THBS3: variants seen among roughly 807,000 people sequenced by gnomAD.
THBS3 encodes thrombospondin-3.
In THBS3, 78 loss-of-function variants were observed where a neutral mutation model predicts 118.3. That is an observed-to-expected ratio of 0.66 (90% CI 0.55 to 0.80). THBS3 has a LOEUF of 0.80. THBS3 is among the 30% of genes least tolerant of loss of function. The pLI is 0.00. For missense variants in THBS3, 1,057 were observed against 1,247.4 expected, an observed-to-expected ratio of 0.85 and a Z score of 2.30; for synonymous variants, 427 against 475.3, an observed-to-expected ratio of 0.90 and a Z score of 1.32.
At chr1:155,200,245 C>G in intron 14 of THBS3, 132 bp from the exon 15 acceptor site, 1 of 1,026,438 alleles carries the variant, frequency 9.7e-7, no homozygotes, top group Non-Finnish European at 1.4e-6. Context: ...TTTCTTGTCT[C>G]ACCCTCTAGT....
At chr1:155,199,770 A>C in intron 16 of THBS3, 34 bp downstream of exon 16, 1 of 1,612,740 alleles carries the variant, frequency 6.2e-7, no homozygotes, top group Non-Finnish European at 8.5e-7. Flanking sequence ...GACAAAAAAA[A>C]GAAAGACCTT....
Position 155,195,905 on chromosome 1 carries a change from G to T in THBS3, c.2813-6C>A, listed in dbSNP as rs1485877094. On this transcript the variant is annotated splice_polypyrimidine_tract_variant and splice_region_variant and intron_variant, in intron 22 of 22. Coordinates refer to ENST00000368378, the MANE Select transcript of THBS3 (RefSeq NM_007112.5). ...AAAGTCCTCAGGCACTGTGTCTGAAGAAGGGGAAATAAGTAAGGTCAGAGG... is the reference window on the plus strand; with the variant it reads ...AAAGTCCTCAGGCACTGTGTCTGAATAAGGGGAAATAAGTAAGGTCAGAGG... 1 of 1,614,056 alleles carries T rather than the reference G, an allele frequency of 6.2e-7. No individual in the cohort carries two copies. Among genetic ancestry groups the T allele is most frequent in the Non-Finnish European group, 8.5e-7 (1 of 1,180,030 alleles).
intron 10 of THBS3, 60 bp downstream of exon 10, chr1:155,201,897 C>T (rs371696806): frequency 2.6e-5 from 41 of 1,604,644 alleles, no homozygotes; most frequent in South Asian, 6.6e-5. Flanking sequence ...TAAGAAGGGG[C>T]GGGGGTTGGG....
At chr1:155,207,721 C>A in intron 1 of THBS3, 77 bp downstream of exon 1, 1 of 1,484,858 alleles carries the variant, frequency 6.7e-7, no homozygotes, top group Non-Finnish European at 9.3e-7. Context: ...CCCTTGCCCA[C>A]ATGTTCTCTG....
intron 21 of THBS3, 96 bp from the exon 22 acceptor site, chr1:155,196,222 C>A (rs1350420982): frequency 1.4e-6 from 2 of 1,414,458 alleles, no homozygotes; most frequent in South Asian, 1.3e-5. Context: ...CCCAGCCCCC[C>A]TTGAGCTCAC....
At position 155,197,342 on chromosome 1, in the gene THBS3, G is replaced by C; in HGVS notation, c.2499+121C>G. 1 of 1,520,370 alleles carries C rather than the reference G, an allele frequency of 6.6e-7. No individual in the cohort carries two copies. The highest frequency in any genetic ancestry group is 2.3e-5 in the East Asian group (1 of 44,076). The allele number at this position is 1,520,370 out of a possible 1,614,324, so 94.2% of individuals were successfully genotyped here. A position where few individuals can be genotyped will look rare whatever the true frequency, so the allele number is the denominator to read the frequency against. The stretch of plus-strand genomic sequence containing the variant: ...AAATGCCCTGGGGCCCCAGAGAGCC[G>C]GCCTCCAAGCCAGATGTCTGGGTAA... On this transcript the variant is annotated intron_variant, in intron 20 of 22. Transcript: ENST00000368378. This position sits in a 1 kb window ranked among gnomAD's most constrained non-coding sequence, Gnocchi z 5.0.
In THBS3 at chr1:155,195,766, A is replaced by G; in HGVS notation, c.*75T>C. Reference sequence around the variant, plus strand: ...GGTTGGCTGAGGGGCTGTAGCTTAGACCTCAGGGTCTCCAGGATGGACCCC... The same window carrying G: ...GGTTGGCTGAGGGGCTGTAGCTTAGGCCTCAGGGTCTCCAGGATGGACCCC... On this transcript the variant is annotated 3_prime_UTR_variant, in exon 23 of 23. Coordinates refer to ENST00000368378, the MANE Select transcript of THBS3 (RefSeq NM_007112.5). The G allele has an allele frequency of 1.3e-6, 2 of 1,514,248 alleles. No individual in the cohort carries two copies. Among genetic ancestry groups the G allele is most frequent in the Non-Finnish European group, 1.8e-6 (2 of 1,103,024 alleles). 93.8% of individuals were successfully genotyped at this position (1,514,248 alleles called of 1,614,324 possible). A position where few individuals can be genotyped will look rare whatever the true frequency, so the allele number is the denominator to read the frequency against.
At position 155,197,072 on chromosome 1, in the gene THBS3, G is replaced by A. The variant is rs1245433128; in HGVS notation, c.2641C>T (p.Leu881Phe). 1.2e-6 allele frequency: 2 copies of A among 1,614,108 alleles called. No homozygotes were observed. The highest frequency in any genetic ancestry group is 2.2e-5 in the East Asian group (1 of 44,890). ...WRDKTSYRWQ[L>F]LHRPQVGYIR... ...TAGCCAACTTGAGGCCGGTGCAGAA[G>A]CTGCCAGCGATAGGAGGTCTTGTCC... Residue 881 changes from leucine (L) to phenylalanine (F), a missense_variant, in exon 21 of 23, where the codon CTT (leucine) becomes TTT (phenylalanine). Physicochemically the swap from Leu to Phe is conservative, Grantham distance 22. Coordinates refer to ENST00000368378, the MANE Select transcript of THBS3 (RefSeq NM_007112.5). This position sits in a 1 kb window ranked among gnomAD's most constrained non-coding sequence, Gnocchi z 5.0.
At position 155,199,742 on chromosome 1, in the gene THBS3, A is replaced by G. The variant is rs1669368604; in HGVS notation, c.1880+62T>C. 3 of 1,584,784 alleles carry G rather than the reference A, an allele frequency of 1.9e-6. No homozygotes were observed. In the Admixed American group the frequency reaches 5.0e-5, roughly 27 times the overall value. On this transcript the variant is annotated intron_variant, in intron 16 of 22. Transcript: ENST00000368378. Reference sequence around the variant, plus strand: ...TGTACTCCAGCCTAGGTGACAGAGCAAGACTCCGTCTCAGAAAGACAAAAA... The same window carrying G: ...TGTACTCCAGCCTAGGTGACAGAGCGAGACTCCGTCTCAGAAAGACAAAAA...
rs778370900 is a variant in THBS3, at chr1:155,200,032, G to A, written c.1790C>T (p.Ala597Val). The A allele has an allele frequency of 1.9e-6, 3 of 1,602,910 alleles. No homozygotes were observed. Among genetic ancestry groups the A allele is most frequent in the East Asian group, 4.5e-5 (2 of 44,726 alleles). ...TDRDEDGVGD[A>V]CDSCPEMSNP... ...GCTCATTTCAGGGCAGCTGTCGCAA[G>A]CATCTCCCACCCCGTCCTCATCCCT... The change falls in exon 15 of 23, where the codon GCT becomes GTT. Residue 597 changes from alanine (A) to valine (V), a missense_variant. Physicochemically the swap from Ala to Val is moderately conservative, Grantham distance 64. Transcript: ENST00000368378.
At chr1:155,203,680 C>T (rs1670138267) in intron 4 of THBS3, 141 bp from the exon 5 acceptor site, 1 of 1,049,468 alleles carries the variant, frequency 9.5e-7, no homozygotes, top group Non-Finnish European at 1.4e-6. Flanking sequence ...GCTGGGAGGG[C>T]AGAGCTGGCA....
At chr1:155,209,103 C>A, upstream of THBS3, 1 of 1,543,144 alleles carries the variant, frequency 6.5e-7, no homozygotes, top group Non-Finnish European at 8.7e-7. Flanking sequence ...AGTTCAGCTG[C>A]CAGTCGGGCC....
rs1157313894 is a variant in THBS3, at chr1:155,197,832, T to A, written c.2302+48A>T. 6.2e-7 allele frequency: 1 copy of A among 1,613,108 alleles called. No individual in the cohort carries two copies. Among genetic ancestry groups the A allele is most frequent in the East Asian group, 2.2e-5 (1 of 44,872 alleles). On this transcript the variant is annotated intron_variant, in intron 19 of 22. Coordinates refer to ENST00000368378, the MANE Select transcript of THBS3 (RefSeq NM_007112.5). This position sits in a 1 kb window ranked among gnomAD's most constrained non-coding sequence, Gnocchi z 5.0. The stretch of plus-strand genomic sequence containing the variant: ...TTTCCTCCCCTACCCTCTGCCCCTA[T>A]AGGATTCCTCCATTTGGAAGTGATT...
chr1:155,200,497 A>G lies in THBS3; in HGVS notation c.1662T>C (p.Asp554=), dbSNP rs953126333. 39 of 1,613,960 alleles carry G rather than the reference A, an allele frequency of 2.4e-5. No individual in the cohort carries two copies. The highest frequency in any genetic ancestry group is 3.1e-5 in the Non-Finnish European group (37 of 1,180,036). The change falls in exon 14 of 23, where the codon GAT becomes GAC. Residue 554 remains aspartate, a synonymous_variant. Transcript: ENST00000368378. The part of the protein sequence containing the change: ...NVPNNDQKDT[D]GNGEGDACDN... Reference sequence around the variant, plus strand: ...CACAGGCATCTCCTTCCCCATTGCCATCTGTGTCCTTCTGGTCATTGTTGG... The same window carrying G: ...CACAGGCATCTCCTTCCCCATTGCCGTCTGTGTCCTTCTGGTCATTGTTGG...
At position 155,197,101 on chromosome 1, in the gene THBS3, C is replaced by T; in HGVS notation, c.2612G>A (p.Trp871Ter). Residue 871 changes from tryptophan to a stop codon, truncating the protein, a stop_gained, in exon 21 of 23, where the codon TGG (tryptophan) becomes TAG (stop). Coordinates refer to ENST00000368378, the MANE Select transcript of THBS3 (RefSeq NM_007112.5). LOFTEE classifies it high-confidence loss of function. The surrounding 1 kb of genome is among the most constrained non-coding windows in gnomAD (Gnocchi z 5.0). ...LLWTDPRNVGWRDKTSYRWQL... is the reference protein window; with the variant it reads ...LLWTDPRNVG ...CCAGCGATAGGAGGTCTTGTCCCGCCAGCCCACATTTCGTGGGTCTGTCCA... is the reference window on the plus strand; with the variant it reads ...CCAGCGATAGGAGGTCTTGTCCCGCTAGCCCACATTTCGTGGGTCTGTCCA... 6.2e-7 allele frequency: 1 copy of T among 1,614,182 alleles called. No individual in the cohort carries two copies. Among genetic ancestry groups the T allele is most frequent in the Middle Eastern group, 1.6e-4 (1 of 6,062 alleles).
At chr1:155,201,788 G>A in intron 10 of THBS3, 169 bp downstream of exon 10, 2 of 1,072,716 alleles carry the variant, frequency 1.9e-6, no homozygotes, top group Non-Finnish European at 2.7e-6. Context: ...CTGCTAAAGA[G>A]CTAGCAAGAG....
At chr1:155,203,636 G>C in intron 4 of THBS3, 97 bp from the exon 5 acceptor site, 1 of 1,464,206 alleles carries the variant, frequency 6.8e-7, no homozygotes, top group Non-Finnish European at 9.4e-7. Flanking sequence ...CAGGGACAGG[G>C]CTGGAGCCCC....
At chr1:155,208,025 A>G (rs897751750), upstream of THBS3, 5 of 643,714 alleles carry the variant, frequency 7.8e-6, no homozygotes, top group Non-Finnish European at 1.3e-5. Context: ...AGAGCTGCCA[A>G]TCACCCTGGA....
At chr1:155,205,012 T>A (rs1180857508) in intron 3 of THBS3, 48 bp downstream of exon 3, 1 of 1,613,272 alleles carries the variant, frequency 6.2e-7, no homozygotes, top group Admixed American at 1.7e-5. Context: ...CTTCCCCAGC[T>A]GGTGCAAACT....
Sources: gnomAD v4.1 joint callset for allele counts on GRCh38, gnomAD v4.1.1 for gene constraint, Gnocchi (gnomAD v3.1) non-coding constraint, MANE v1.5 for transcripts, NCBI Gene and HGNC (gene_info 2026-07-23, HGNC 2026-07-21) for gene names.